Variants in PRR5L observed in about 807,000 individuals in gnomAD.
The protein encoded by PRR5L is proline rich 5 like.
A neutral mutation model predicts 36.4 loss-of-function variants in PRR5L; 21 were observed. The observed-to-expected ratio is 0.58, with a 90% CI of 0.41 to 0.83. PRR5L has a LOEUF of 0.83. PRR5L is among the 40% of genes least tolerant of loss of function. PRR5L has a pLI of 0.00. For missense variants in PRR5L, 381 were observed against 473.3 expected (o/e 0.80, Z 1.81); for synonymous variants, 188 against 197.0 (o/e 0.95, Z 0.38).
chr11:36,461,713 T>G (rs1859185683), intron 8 of PRR5L, among the ~76,000 whole-genome samples: 1 of 152,196 alleles, frequency 6.6e-6, no homozygotes, highest in Admixed American at 6.5e-5. Context: ...TAGCCTGTTC[T>G]TTGATGATGC....
At chr11:36,423,745 G>A (rs1172503547) in intron 4 of PRR5L, among the ~76,000 whole-genome samples, 2 of 152,208 alleles carry the variant, frequency 1.3e-5, no homozygotes, top group African/African-American at 2.4e-5. Context: ...CTGGTGAGAA[G>A]ACAGAGGAGA....
intron 1 of PRR5L, among the ~76,000 whole-genome samples, chr11:36,399,471 A>G (rs1857743344): frequency 1.3e-5 from 2 of 152,080 alleles, no homozygotes; most frequent in South Asian, 4.2e-4. Flanking sequence ...TCTGACCACA[A>G]CAGCATGTTT....
At chr11:36,330,407 C>A (rs1040798742) in intron 1 of PRR5L, among the ~76,000 whole-genome samples, 1 of 152,166 alleles carries the variant, frequency 6.6e-6, no homozygotes, top group Non-Finnish European at 1.5e-5. Context: ...GAACCCCTAT[C>A]TCCTCTATTA....
At chr11:36,403,120 C>T (rs562001861) in intron 2 of PRR5L, among the ~76,000 whole-genome samples, 178 bp from the exon 3 acceptor site, 3 of 152,290 alleles carry the variant, frequency 2.0e-5, no homozygotes, top group South Asian at 2.1e-4. Flanking sequence ...TGAGTCCTTT[C>T]GCCTTTGGTC....
At chr11:36,434,535 C>T (rs945691366) in intron 5 of PRR5L, among the ~76,000 whole-genome samples, 1 of 152,206 alleles carries the variant, frequency 6.6e-6, no homozygotes, top group East Asian at 1.9e-4. Context: ...GTTTTGTGGG[C>T]AGAAGATGCC....
chr11:36,421,471 C>G (rs555643771), intron 4 of PRR5L, among the ~76,000 whole-genome samples: 1 of 152,254 alleles, frequency 6.6e-6, no homozygotes, highest in East Asian at 1.9e-4. Context: ...CTAGTTTTCA[C>G]AGTTTTAAAT....
intron 7 of PRR5L, among the ~76,000 whole-genome samples, chr11:36,449,722 A>G (rs913905883): frequency 2.6e-5 from 4 of 152,114 alleles, no homozygotes; most frequent in Non-Finnish European, 5.9e-5. Flanking sequence ...CTGCATTTTC[A>G]TTTTACGCTG....
chr11:36,441,353 A>G (rs1259677098), intron 6 of PRR5L, among the ~76,000 whole-genome samples: 3 of 152,230 alleles, frequency 2.0e-5, no homozygotes, highest in Non-Finnish European at 4.4e-5. Flanking sequence ...TGGCCAAAAG[A>G]AAGGGACAGC....
chr11:36,319,355 G>A (rs1437449094), intron 1 of PRR5L, among the ~76,000 whole-genome samples: 1 of 152,240 alleles, frequency 6.6e-6, no homozygotes, highest in Non-Finnish European at 1.5e-5. Context: ...GCAGACAGAA[G>A]CCAAGAGATG....
Position 36,431,848 on chromosome 11 carries a change from G to T in PRR5L, c.295-5G>T. 6.2e-7 allele frequency: 1 copy of T among 1,613,650 alleles called. No homozygotes were observed. ...ATTCTTATGTTCTTTGTTCTCTTTT[G>T]GCAGAACCAGCTTCTTGCAAAAGGA... On this transcript the variant is annotated splice_region_variant and splice_polypyrimidine_tract_variant and intron_variant, in intron 4 of 8. Coordinates refer to ENST00000530639, the MANE Select transcript of PRR5L (RefSeq NM_001160167.2).
chr11:36,373,280 G>A (rs143507216), intron 1 of PRR5L, among the ~76,000 whole-genome samples: 116 of 152,246 alleles, frequency 7.6e-4, no homozygotes, highest in African/African-American at 2.7e-3. Flanking sequence ...GACCAACACT[G>A]GTTTCTCCTA....
chr11:36,309,704 C>G (rs549524199), intron 1 of PRR5L, among the ~76,000 whole-genome samples: 10 of 2,606 alleles, frequency 3.8e-3, no homozygotes, highest in South Asian at 0.025. Flanking sequence ...GTTTCCTTGT[C>G]TTCTCTTTCT....
At chr11:36,325,047 G>A (rs528596706) in intron 1 of PRR5L, among the ~76,000 whole-genome samples, 26 of 152,200 alleles carry the variant, frequency 1.7e-4, no homozygotes, top group African/African-American at 3.9e-4. Context: ...GCGGCAGGTC[G>A]CTTCCAACAT....
chr11:36,355,036 G>A (rs1002676627), intron 1 of PRR5L, among the ~76,000 whole-genome samples: 1 of 152,226 alleles, frequency 6.6e-6, no homozygotes, highest in Non-Finnish European at 1.5e-5. Flanking sequence ...GTGAGGCTAA[G>A]TTCATTCATT....
chr11:36,439,200 A>G (rs1365029861), intron 6 of PRR5L, among the ~76,000 whole-genome samples: 1 of 152,050 alleles, frequency 6.6e-6, no homozygotes, highest in African/African-American at 2.4e-5. Context: ...TGGTACCACC[A>G]TTTCGAGGGG....
chr11:36,362,308 C>T (rs1298713439), intron 1 of PRR5L: 3 of 152,072 alleles, frequency 2.0e-5, no homozygotes, highest in African/African-American at 7.2e-5. Flanking sequence ...GGACCCTATT[C>T]CTTCACTTTT....
intron 1 of PRR5L, among the ~76,000 whole-genome samples, chr11:36,323,831 A>G (rs1198371627): frequency 1.3e-5 from 2 of 152,194 alleles, no homozygotes; most frequent in Admixed American, 1.3e-4. Context: ...CACTGCAGTG[A>G]GCTATGATTA....
chr11:36,296,995 A>T (rs1434931066), intron 1 of PRR5L, among the ~76,000 whole-genome samples: 1 of 152,240 alleles, frequency 6.6e-6, no homozygotes, highest in East Asian at 1.9e-4. Context: ...ATATGATGAT[A>T]GCTATGTGTA....
intron 1 of PRR5L, among the ~76,000 whole-genome samples, chr11:36,392,755 G>T (rs954402420): frequency 6.6e-6 from 1 of 152,132 alleles, no homozygotes; most frequent in Non-Finnish European, 1.5e-5. Context: ...GGCTGGAACT[G>T]CCACACACTT....
Sources: allele counts gnomAD v4.1 joint callset (sites outside exome capture counted in the v4.1 genomes callset), GRCh38; gene constraint gnomAD v4.1.1; transcripts MANE v1.5; gene names NCBI Gene and HGNC (gene_info 2026-07-23, HGNC 2026-07-21).